The following DISC1 variants were observed in gnomAD, a reference collection of about 807,000 sequenced individuals.
DISC1 encodes the protein disrupted in schizophrenia 1 protein.
A neutral mutation model predicts 84.5 loss-of-function variants in DISC1; 57 were observed. That is an observed-to-expected ratio of 0.67 (90% CI 0.55 to 0.84). The LOEUF (loss-of-function observed/expected upper bound fraction) is 0.84. DISC1 is among the 40% of genes least tolerant of loss of function. The probability of loss-of-function intolerance (pLI) is 0.00; values close to 1 mark genes in which losing one functional copy is unlikely to be tolerated. For synonymous variants in DISC1, 411 were observed against 415.2 expected (o/e 0.99, Z 0.12); for missense variants, 1,000 against 1,057.8 (o/e 0.95, Z 0.76).
In DISC1 at chr1:231,668,545, G is replaced by A. The variant is rs745906235; in HGVS notation, c.68-25281G>A. 2.6e-5 allele frequency among the ~76,000 whole-genome samples: 4 copies of A among 152,214 alleles called. No individual in the cohort carries two copies. In the East Asian group the frequency reaches 5.8e-4, roughly 22 times the overall value. ...ATGGCATGGGGTACCATTGACTCAC[G>A]TTCTCCTGCTAAGGTGAAAGTCTCA... is the stretch of plus-strand genomic sequence containing the variant. On this transcript the variant is annotated intron_variant, in intron 1 of 12. Coordinates refer to ENST00000439617, the MANE Select transcript of DISC1 (RefSeq NM_018662.3).
Position 232,021,163 on chromosome 1 carries a change from C to T in DISC1, c.2308-5272C>T, listed in dbSNP as rs193279854. On this transcript the variant is annotated intron_variant, in intron 11 of 12. Transcript: ENST00000439617. Reference sequence around the variant, plus strand: ...ATCTGTATATTTCTTACCTGCCTCTCATGATTTGAGCACCTTGCTCTGCTA... The same window carrying T: ...ATCTGTATATTTCTTACCTGCCTCTTATGATTTGAGCACCTTGCTCTGCTA... 5.6e-4 allele frequency among the ~76,000 whole-genome samples: 86 copies of T among 152,266 alleles called. 1 individual carries two copies. The highest frequency in any genetic ancestry group is 3.4e-3 in the Middle Eastern group (1 of 294).
At chr1:231,916,336 CT>C (rs2089617054) in intron 9 of DISC1, among the ~76,000 whole-genome samples, 2 of 152,182 alleles carry the variant, frequency 1.3e-5, no homozygotes, top group East Asian at 1.9e-4. Flanking sequence ...TGATATTACA[CT>C]TTTTTTCTTT....
intron 9 of DISC1, among the ~76,000 whole-genome samples, chr1:231,948,418 A>G (rs1439995035): frequency 6.6e-6 from 1 of 152,116 alleles, no homozygotes; most frequent in Non-Finnish European, 1.5e-5. Context: ...GAACACATGG[A>G]CATAGGGAGG....
chr1:231,899,780 A>G (rs1283740549), intron 9 of DISC1, among the ~76,000 whole-genome samples: 1 of 152,236 alleles, frequency 6.6e-6, no homozygotes, highest in Non-Finnish European at 1.5e-5. Context: ...AGTAATTGCA[A>G]TAAAAGAGAA....
At position 231,779,199 on chromosome 1, in the gene DISC1, T is replaced by C. The variant is rs2077187583; in HGVS notation, c.1634+8129T>C. On this transcript the variant is annotated intron_variant, in intron 6 of 12. Coordinates refer to ENST00000439617, the MANE Select transcript of DISC1 (RefSeq NM_018662.3). Reference sequence around the variant, plus strand: ...ATGAGCTATCTTAAAACCATGGCAGTCCTTGCACCGCCAGATGCTGACTGA... The same window carrying C: ...ATGAGCTATCTTAAAACCATGGCAGCCCTTGCACCGCCAGATGCTGACTGA... 2.0e-5 allele frequency among the ~76,000 whole-genome samples: 3 copies of C among 152,260 alleles called. No individual in the cohort carries two copies. In the South Asian group the frequency reaches 6.2e-4, roughly 32 times the overall value.
chr1:232,019,554 T>C (rs1572654276), intron 11 of DISC1, among the ~76,000 whole-genome samples: 1 of 152,296 alleles, frequency 6.6e-6, no homozygotes, highest in African/African-American at 2.4e-5. Context: ...CAAGTATCAG[T>C]CTTGCAGGCT....
At chr1:231,777,666 C>A (rs1006887785) in intron 6 of DISC1, among the ~76,000 whole-genome samples, 1 of 152,158 alleles carries the variant, frequency 6.6e-6, no homozygotes, top group African/African-American at 2.4e-5. Flanking sequence ...CCTGCATAGG[C>A]GACATCTGCA....
At chr1:231,758,518 G>A (rs2075357995) in intron 4 of DISC1, among the ~76,000 whole-genome samples, 1 of 152,144 alleles carries the variant, frequency 6.6e-6, no homozygotes, top group Admixed American at 6.5e-5. Context: ...GTGGTTGATT[G>A]CAGAGGTGCT....
intron 1 of DISC1, among the ~76,000 whole-genome samples, chr1:231,673,372 T>C (rs2062812303): frequency 6.6e-6 from 1 of 152,100 alleles, no homozygotes. Context: ...TGGAGTGCAG[T>C]GGCTATTCAT....
intron 9 of DISC1, among the ~76,000 whole-genome samples, chr1:231,894,907 A>G (rs1382323956): frequency 6.6e-6 from 1 of 151,394 alleles, no homozygotes; most frequent in African/African-American, 2.4e-5. Flanking sequence ...CCCTCTCCCC[A>G]TCTTATCACA....
chr1:231,658,629 C>T (rs1217168803), intron 1 of DISC1, among the ~76,000 whole-genome samples: 5 of 152,026 alleles, frequency 3.3e-5, no homozygotes, highest in Admixed American at 2.0e-4. Flanking sequence ...ATATATGGCT[C>T]TTATTATTTT....
At chr1:231,893,034 G>C (rs189926370) in intron 9 of DISC1, among the ~76,000 whole-genome samples, 4 of 152,228 alleles carry the variant, frequency 2.6e-5, no homozygotes, top group Admixed American at 2.0e-4. Context: ...ATGGTGGCTG[G>C]TGCCTGTAGT....
intron 8 of DISC1, chr1:231,815,235 G>A (rs949865887): frequency 2.6e-5 from 4 of 152,058 alleles, no homozygotes; most frequent in African/African-American, 9.7e-5. Flanking sequence ...CAGGTCTTAA[G>A]TGTTTACAGT....
At chr1:231,974,562 T>C (rs1285335296) in intron 10 of DISC1, among the ~76,000 whole-genome samples, 1 of 152,298 alleles carries the variant, frequency 6.6e-6, no homozygotes, top group East Asian at 1.9e-4. Context: ...TAGTGGATGC[T>C]TCCGTTTGCT....
Position 231,770,888 on chromosome 1 carries a change from A to G in DISC1, c.1452A>G (p.Gln484=), listed in dbSNP as rs568973456. The part of the protein sequence containing the change: ...ARMFVLEAKD[Q]QLRREIEEQE... ...TGTTTGTGCTGGAAGCCAAAGATCA[A>G]CAGCTGAGAAGGGAAATAGAGGAGC... Residue 484 remains glutamine, a synonymous_variant, in exon 6 of 13, where the codon CAA becomes CAG. Transcript: ENST00000439617. 11 of 1,614,246 alleles carry G rather than the reference A, an allele frequency of 6.8e-6. No individual in the cohort carries two copies. The African/African-American group carries it at 8.0e-5, about 12-fold the overall frequency.
intron 11 of DISC1, among the ~76,000 whole-genome samples, chr1:232,013,217 CAGT>C (rs1668189029): frequency 6.6e-6 from 1 of 152,266 alleles, no homozygotes; most frequent in South Asian, 2.1e-4. Flanking sequence ...GCTCCCTGGA[CAGT>C]ACCACTCTCC....
chr1:231,675,119 A>G lies in DISC1; in HGVS notation c.68-18707A>G, dbSNP rs924530591. ...AATATCTCTTTAAAAGATGTTATTG[A>G]TAATGAAAAGCTGAGACCCTTGATA... On this transcript the variant is annotated intron_variant, in intron 1 of 12. Transcript: ENST00000439617. This position sits in a 1 kb window ranked among gnomAD's most constrained non-coding sequence, Gnocchi z 4.1. Among the ~76,000 whole-genome samples the G allele has an allele frequency of 2.6e-5, 4 of 152,230 alleles. No individual in the cohort carries two copies. Among genetic ancestry groups the G allele is most frequent in the African/African-American group, 7.2e-5 (3 of 41,458 alleles).
At chr1:231,910,948 T>C (rs2089145413) in intron 9 of DISC1, among the ~76,000 whole-genome samples, 1 of 152,208 alleles carries the variant, frequency 6.6e-6, no homozygotes, top group Non-Finnish European at 1.5e-5. Flanking sequence ...TTTGTCTCTT[T>C]TGATCTTTGT....
At chr1:231,687,414 C>T (rs766709471) in intron 1 of DISC1, among the ~76,000 whole-genome samples, 2 of 152,058 alleles carry the variant, frequency 1.3e-5, no homozygotes, top group Non-Finnish European at 2.9e-5. Context: ...AAGCAGAAGC[C>T]CTTGATAAAC....
Sources: gnomAD v4.1 joint callset for allele counts (sites outside exome capture counted in the v4.1 genomes callset) on GRCh38, gnomAD v4.1.1 for gene constraint, Gnocchi (gnomAD v3.1) non-coding constraint, MANE v1.5 for transcripts, NCBI Gene and HGNC (gene_info 2026-07-23, HGNC 2026-07-21) for gene names.